TBC1D1: variants seen among roughly 807,000 people sequenced by gnomAD.
The protein encoded by TBC1D1 is TBC1 domain family member 1.
TBC1D1 carries 89 observed loss-of-function variants against 125.6 expected under a neutral mutation model. The ratio of observed to expected loss-of-function variants is 0.71; its 90% confidence interval spans 0.60 to 0.85. The LOEUF is 0.85. TBC1D1 is among the 40% of genes least tolerant of loss of function. The probability of loss-of-function intolerance (pLI) is 0.00; values close to 1 mark genes in which losing one functional copy is unlikely to be tolerated. For missense variants in TBC1D1, 1,377 were observed against 1,469.2 expected (o/e 0.94, Z 1.03); for synonymous variants, 565 against 564.1 (o/e 1.00, Z -0.02).
chr4:37,958,631 C>A (rs1442278842), intron 2 of TBC1D1, among the ~76,000 whole-genome samples: 1 of 152,156 alleles, frequency 6.6e-6, no homozygotes, highest in Non-Finnish European at 1.5e-5. Flanking sequence ...CTTTATTTGT[C>A]CCTTCTTTAG....
rs146811047 is a variant in TBC1D1, at chr4:38,135,720, T to G, written c.3307-1415T>G. Among the ~76,000 whole-genome samples the G allele has an allele frequency of 3.8e-3, 583 of 152,322 alleles. 4 individuals carry two copies. Among genetic ancestry groups the G allele is most frequent in the African/African-American group, 0.013 (532 of 41,574 alleles). ...CAGTAGGCTGACAAACTAAGGCTCTTGGTCCCTTTTTCATATTTTGGGTGT... is the reference window on the plus strand; with the variant it reads ...CAGTAGGCTGACAAACTAAGGCTCTGGGTCCCTTTTTCATATTTTGGGTGT... On this transcript the variant is annotated intron_variant, in intron 19 of 19. Transcript: ENST00000261439.
chr4:37,902,972 C>T (rs1334319494), intron 2 of TBC1D1, among the ~76,000 whole-genome samples: 1 of 152,086 alleles, frequency 6.6e-6, no homozygotes. Flanking sequence ...CTTTGAGTGG[C>T]AAAGTTCTAA....
At position 37,891,765 on chromosome 4, in the gene TBC1D1, T is replaced by C. The variant is rs546703582; in HGVS notation, c.-94+417T>C. 6.6e-5 allele frequency among the ~76,000 whole-genome samples: 10 copies of C among 150,550 alleles called. No individual in the cohort carries two copies. The South Asian group carries it at 2.1e-3, about 32-fold the overall frequency. On this transcript the variant is annotated intron_variant, in intron 1 of 19. Transcript: ENST00000261439. ...AAAAGTTCAGGGTACTTTGCAGTAG[T>C]AACTTTGGCAGCTCCACCAGTGCGC...
chr4:37,979,256 A>C (rs1024733712), intron 2 of TBC1D1, among the ~76,000 whole-genome samples: 2 of 152,240 alleles, frequency 1.3e-5, no homozygotes, highest in Non-Finnish European at 2.9e-5. Context: ...TATACCTCTT[A>C]GCATACATTT....
At chr4:38,110,597 A>C (rs578139519) in intron 15 of TBC1D1, 1 of 985,380 alleles carries the variant, frequency 1.0e-6, no homozygotes, top group Non-Finnish European at 1.2e-6. Context: ...CACAAGACAC[A>C]TCGAATGTCT....
At chr4:37,986,284 T>C (rs1388921183) in intron 2 of TBC1D1, among the ~76,000 whole-genome samples, 3 of 152,248 alleles carry the variant, frequency 2.0e-5, no homozygotes, top group African/African-American at 7.2e-5. Flanking sequence ...ATCACACAGC[T>C]AGTTTATGGC....
At chr4:38,132,579 G>GT (rs1330287004) in intron 18 of TBC1D1, 1 of 164,722 alleles carries the variant, frequency 6.1e-6, no homozygotes, top group Non-Finnish European at 1.5e-5. Context: ...GCAAAGGAGA[G>GT]TTTTTTAGTA....
intron 2 of TBC1D1, among the ~76,000 whole-genome samples, chr4:38,005,258 G>T (rs1047381530): frequency 6.6e-6 from 1 of 152,246 alleles, no homozygotes; most frequent in Admixed American, 6.5e-5. Context: ...AGGGAAGAAT[G>T]CAAGAGCAAA....
chr4:37,982,712 G>GA (rs1283006253), intron 2 of TBC1D1, among the ~76,000 whole-genome samples: 1 of 151,946 alleles, frequency 6.6e-6, no homozygotes, highest in East Asian at 1.9e-4. Flanking sequence ...TGCCTGATGA[G>GA]AAAAAAAGAT....
chr4:37,994,359 G>A (rs1407869298), intron 2 of TBC1D1, among the ~76,000 whole-genome samples: 1 of 152,060 alleles, frequency 6.6e-6, no homozygotes, highest in Non-Finnish European at 1.5e-5. Context: ...GCACAGTCTT[G>A]GCTCACTGCA....
chr4:37,936,414 T>C (rs574426483), intron 2 of TBC1D1, among the ~76,000 whole-genome samples: 3 of 152,200 alleles, frequency 2.0e-5, no homozygotes, highest in African/African-American at 7.2e-5. Context: ...GCAACATAAA[T>C]GTCTGCTGTC....
intron 2 of TBC1D1, among the ~76,000 whole-genome samples, chr4:37,988,649 C>T (rs189495352): frequency 2.0e-5 from 3 of 152,276 alleles, no homozygotes; most frequent in Admixed American, 6.5e-5. Context: ...AAACATGAAG[C>T]CCACTATAGG....
At chr4:37,991,256 A>G (rs964061996) in intron 2 of TBC1D1, among the ~76,000 whole-genome samples, 4 of 122,550 alleles carry the variant, frequency 3.3e-5, no homozygotes, top group African/African-American at 6.8e-5. Flanking sequence ...GTTAACTTAG[A>G]TATTGTCCTT....
At chr4:38,055,498 G>T (rs1260776729) in intron 12 of TBC1D1, among the ~76,000 whole-genome samples, 1 of 152,126 alleles carries the variant, frequency 6.6e-6, no homozygotes, top group Admixed American at 6.5e-5. Flanking sequence ...TCAGTGATGC[G>T]AATGTTTCCA....
At chr4:38,085,435 T>C (rs1467076451) in intron 12 of TBC1D1, among the ~76,000 whole-genome samples, 2 of 152,232 alleles carry the variant, frequency 1.3e-5, no homozygotes, top group Non-Finnish European at 2.9e-5. Context: ...GCCGACTTTA[T>C]AAATATGCCT....
rs554319648 is a variant in TBC1D1, at chr4:37,955,646, G to T, written c.417+53134G>T. ...CACGGTTGGTTGAATCCACAGATGC[G>T]AAACCCATGGGTAAAGAGGGTCAAC... On this transcript the variant is annotated intron_variant, in intron 2 of 19. Coordinates refer to ENST00000261439, the MANE Select transcript of TBC1D1 (RefSeq NM_015173.4). 1.4e-4 allele frequency among the ~76,000 whole-genome samples: 22 copies of T among 152,224 alleles called. 1 individual carries two copies. The South Asian group carries it at 4.6e-3, about 32-fold the overall frequency.
At chr4:37,906,777 A>G (rs1189234883) in intron 2 of TBC1D1, among the ~76,000 whole-genome samples, 1 of 152,188 alleles carries the variant, frequency 6.6e-6, no homozygotes, top group African/African-American at 2.4e-5. Flanking sequence ...CTTTTTGAAG[A>G]CCCCTTGTAT....
chr4:37,949,252 A>G lies in TBC1D1; in HGVS notation c.417+46740A>G, dbSNP rs1309017300. 2.0e-5 allele frequency among the ~76,000 whole-genome samples: 3 copies of G among 152,244 alleles called. No individual in the cohort carries two copies. The East Asian group carries it at 5.8e-4, about 29-fold the overall frequency. ...TTTTTGACATATTTTTCTGTGCAGT[A>G]AAGAACTTAGACTTAGGTTACAGGT... On this transcript the variant is annotated intron_variant, in intron 2 of 19. Coordinates refer to ENST00000261439, the MANE Select transcript of TBC1D1 (RefSeq NM_015173.4).
chr4:37,984,882 T>G (rs905370013), intron 2 of TBC1D1, among the ~76,000 whole-genome samples: 47 of 152,108 alleles, frequency 3.1e-4, no homozygotes, highest in African/African-American at 1.1e-3. Flanking sequence ...TTGAATTTTA[T>G]TTTAGAATGC....
Sources: allele counts gnomAD v4.1 joint callset (sites outside exome capture counted in the v4.1 genomes callset), GRCh38; gene constraint gnomAD v4.1.1; transcripts MANE v1.5; gene names NCBI Gene and HGNC (gene_info 2026-07-23, HGNC 2026-07-21).